Variants in PPAT observed in about 807,000 individuals in gnomAD.
The protein encoded by PPAT is amidophosphoribosyltransferase.
Under a neutral mutation model 60.2 loss-of-function variants are expected in PPAT, and 20 were observed. The observed-to-expected ratio is 0.33, with a 90% CI of 0.23 to 0.48. The LOEUF (loss-of-function observed/expected upper bound fraction) is 0.48, where lower values mean the gene tolerates loss of function less well. Ranked by LOEUF, PPAT falls within the 20% of genes least tolerant of loss-of-function variation. The probability of loss-of-function intolerance (pLI) is 0.99; values close to 1 mark genes in which losing one functional copy is unlikely to be tolerated. For missense variants in PPAT, 349 were observed against 629.6 expected (o/e 0.55, Z 4.77); for synonymous variants, 194 against 215.1 (o/e 0.90, Z 0.86).
At chr4:56,410,618 A>G in intron 1 of PPAT, 2 of 985,716 alleles carry the variant, frequency 2.0e-6, no homozygotes, top group South Asian at 4.7e-5. Flanking sequence ...TGGAACACTA[A>G]GAAATAAAGG....
intron 1 of PPAT, among the ~76,000 whole-genome samples, chr4:56,427,278 T>C (rs1046998339): frequency 2.0e-5 from 3 of 152,226 alleles, no homozygotes; most frequent in Admixed American, 6.5e-5. Context: ...GTAATTTGTG[T>C]TTAATTTTTT....
chr4:56,419,804 G>C, intron 1 of PPAT: 1 of 984,918 alleles, frequency 1.0e-6, no homozygotes, highest in Non-Finnish European at 1.2e-6. Context: ...TTGCAGCCAA[G>C]CTTCAGAAAT....
Position 56,403,351 on chromosome 4 carries a change from A to T in PPAT, c.453T>A (p.Ile151=). Residue 151 remains isoleucine (I), a synonymous_variant, in exon 4 of 11, where the codon ATT becomes ATA. Transcript: ENST00000264220. ...GLSTSSDSEM[I]TQLLAYTPPQ... ...GAGGGGTATACGCCAGTAACTGGGTAATCATTTCACTATCAGAACTTGTAG... is the reference window on the plus strand; with the variant it reads ...GAGGGGTATACGCCAGTAACTGGGTTATCATTTCACTATCAGAACTTGTAG... The T allele has an allele frequency of 6.2e-7, 1 of 1,614,070 alleles. No individual in the cohort carries two copies. The highest frequency in any genetic ancestry group is 1.1e-5 in the South Asian group (1 of 91,080).
chr4:56,432,997 T>TTATATA (rs370961590), intron 1 of PPAT, among the ~76,000 whole-genome samples: 8 of 148,436 alleles, frequency 5.4e-5, no homozygotes, highest in African/African-American at 9.9e-5. Flanking sequence ...CACACGTATT[T>TTATATA]TATATATATA....
At chr4:56,424,384 G>A (rs745677893) in intron 1 of PPAT, among the ~76,000 whole-genome samples, 42 of 152,156 alleles carry the variant, frequency 2.8e-4, no homozygotes, top group African/African-American at 8.0e-4. Flanking sequence ...ACTGGAAACC[G>A]TAGCTAGGTT....
chr4:56,413,875 C>T (rs757125515), intron 1 of PPAT, among the ~76,000 whole-genome samples: 5 of 151,814 alleles, frequency 3.3e-5, no homozygotes, highest in East Asian at 1.9e-4. Flanking sequence ...CCAGCCTGGG[C>T]GACAAGAGTA....
rs58548914 is a variant in PPAT, at chr4:56,435,519, A to C, written c.-42T>G. 4,804 of 1,612,202 alleles carry C rather than the reference A, an allele frequency of 3.0e-3. 137 individuals are homozygous for C. In the African/African-American group the frequency reaches 0.055, roughly 19 times the overall value. On this transcript the variant is annotated 5_prime_UTR_variant, in exon 1 of 11. Coordinates refer to ENST00000264220, the MANE Select transcript of PPAT (RefSeq NM_002703.5). ...CGTGGAAGGACCTGCCGCTGCGGCC[A>C]AGGTGTAAGCACCAACCAGCTGCCA...
chr4:56,430,030 G>A (rs1401428517), intron 1 of PPAT, among the ~76,000 whole-genome samples: 1 of 152,150 alleles, frequency 6.6e-6, no homozygotes, highest in Non-Finnish European at 1.5e-5. Context: ...GGAGGCCAAG[G>A]CAGGAGGATC....
At chr4:56,434,920 C>T (rs925586832) in intron 1 of PPAT, among the ~76,000 whole-genome samples, 3 of 152,194 alleles carry the variant, frequency 2.0e-5, no homozygotes, top group Non-Finnish European at 2.9e-5. Context: ...CGCGCGAAAA[C>T]CTTTAGGTGT....
intron 1 of PPAT, among the ~76,000 whole-genome samples, chr4:56,429,485 G>T (rs149739147): frequency 6.6e-6 from 1 of 152,208 alleles, no homozygotes; most frequent in Non-Finnish European, 1.5e-5. Context: ...ACAGACATCA[G>T]AAAAGATAAT....
chr4:56,421,078 T>C (rs1429734284), intron 1 of PPAT: 2 of 152,252 alleles, frequency 1.3e-5, no homozygotes, highest in African/African-American at 2.4e-5. Context: ...CTCCCCATCA[T>C]GCACATTATG....
At chr4:56,414,877 G>C (rs375764423) in intron 1 of PPAT, among the ~76,000 whole-genome samples, 3 of 151,970 alleles carry the variant, frequency 2.0e-5, no homozygotes, top group Non-Finnish European at 4.4e-5. Flanking sequence ...AACATTCCTC[G>C]ACAACATTTT....
chr4:56,433,882 G>A (rs1717746515), intron 1 of PPAT, among the ~76,000 whole-genome samples: 1 of 152,082 alleles, frequency 6.6e-6, no homozygotes, highest in African/African-American at 2.4e-5. Context: ...AGCAGAGATG[G>A]GGTTTCACCA....
At chr4:56,410,277 C>T (rs931858556) in intron 1 of PPAT, among the ~76,000 whole-genome samples, 1 of 152,160 alleles carries the variant, frequency 6.6e-6, no homozygotes, top group African/African-American at 2.4e-5. Flanking sequence ...TCCCTTTTGT[C>T]TCAAGGGAAG....
At chr4:56,401,218 A>G (rs1716104543) in intron 7 of PPAT, 112 bp downstream of exon 7, 3 of 1,024,462 alleles carry the variant, frequency 2.9e-6, no homozygotes, top group East Asian at 2.6e-5. Flanking sequence ...TCCACAACAT[A>G]TAACTATATG....
Position 56,399,364 on chromosome 4 carries a change from G to A in PPAT, c.1051C>T (p.Arg351Trp). Residue 351 changes from arginine to tryptophan, a missense_variant, in exon 9 of 11, where the codon CGG becomes TGG. Around this residue, in one of 5 missense-constraint regions of PPAT, gnomAD observed 167 missense variants for 328.6 expected, o/e 0.51. Transcript: ENST00000264220. The stretch of plus-strand genomic sequence containing the variant: ...TGAATGAAGGTTCTCCCTACATACC[G>A]GTTTTTACACAGCACCTCCACATAT... ...LPYVEVLCKNRYVGRTFIQPN... is the reference protein window; with the variant it reads ...LPYVEVLCKNWYVGRTFIQPN... 6.2e-6 allele frequency: 10 copies of A among 1,613,818 alleles called. No individual in the cohort carries two copies. Among genetic ancestry groups the A allele is most frequent in the Non-Finnish European group, 6.8e-6 (8 of 1,179,864 alleles).
At chr4:56,428,908 A>C (rs1717430675) in intron 1 of PPAT, 1 of 690,302 alleles carries the variant, frequency 1.4e-6, no homozygotes, top group South Asian at 6.5e-5. Flanking sequence ...ATGATGTCAC[A>C]TAATGATTCT....
At chr4:56,395,683 AAAAAAGG>A in intron 10 of PPAT, 135 bp from the exon 11 acceptor site, 1 of 621,056 alleles carries the variant, frequency 1.6e-6, no homozygotes, top group Non-Finnish European at 2.4e-6. Context: ...TTAAAAAAAA[AAAAAAGG>A]AAAAAAAATC....
At position 56,435,220 on chromosome 4, in the gene PPAT, G is replaced by A. The variant is rs1717834470; in HGVS notation, c.128+130C>T. 5.9e-6 allele frequency: 8 copies of A among 1,359,520 alleles called. No individual in the cohort carries two copies. In the South Asian group the frequency reaches 8.0e-5, roughly 14 times the overall value. The allele number at this position is 1,359,520 out of a possible 1,614,324, so 84.2% of individuals were successfully genotyped here. A position where few individuals can be genotyped will look rare whatever the true frequency, so the allele number is the denominator to read the frequency against. ...CCTAGGCAACCCGGTCGACGCCACA[G>A]GCAGGTACTGGCTTAGGTCGGAGAG... is the stretch of plus-strand genomic sequence containing the variant. On this transcript the variant is annotated intron_variant, in intron 1 of 10. Transcript: ENST00000264220.
Sources: allele counts gnomAD v4.1 joint callset (sites outside exome capture counted in the v4.1 genomes callset), GRCh38; gene constraint gnomAD v4.1.1; regional missense constraint gnomAD v4.1.1; transcripts MANE v1.5; gene names NCBI Gene and HGNC (gene_info 2026-07-23, HGNC 2026-07-21).